The following GREB1 variants were observed in gnomAD, a reference collection of about 807,000 sequenced individuals.
GREB1 encodes protein GREB1.
Under a neutral mutation model 200.7 loss-of-function variants are expected in GREB1, and 106 were observed. The ratio of observed to expected loss-of-function variants is 0.53; its 90% confidence interval spans 0.45 to 0.62. The LOEUF (loss-of-function observed/expected upper bound fraction) is 0.62. Among genes scored for constraint, GREB1 ranks in the 20% least tolerant of loss-of-function variants. GREB1 has a pLI of 0.00. For synonymous variants in GREB1, 1,132 were observed against 1,092.4 expected (o/e 1.04, Z -0.72); for missense variants, 2,243 against 2,556.8 (o/e 0.88, Z 2.65).
rs1333506015 is a variant in GREB1, at chr2:11,624,029, T to G, written c.4148-1125T>G. 3.9e-5 allele frequency among the ~76,000 whole-genome samples: 6 copies of G among 152,346 alleles called. No individual in the cohort carries two copies. The East Asian group carries it at 1.2e-3, about 29-fold the overall frequency. On this transcript the variant is annotated intron_variant, in intron 23 of 32. Transcript: ENST00000381486. ...GTGTTTGTTTTAAGCTAAGTGTTATTACAAAAGAGTCAAAGAGTTTAAAAG... is the reference window on the plus strand; with the variant it reads ...GTGTTTGTTTTAAGCTAAGTGTTATGACAAAAGAGTCAAAGAGTTTAAAAG...
At chr2:11,593,793 C>G (rs1023222802) in intron 11 of GREB1, among the ~76,000 whole-genome samples, 1 of 151,786 alleles carries the variant, frequency 6.6e-6, no homozygotes, top group African/African-American at 2.4e-5. Context: ...TAAAAACACC[C>G]ATTGAGGCCC....
At chr2:11,587,400 C>T in intron 9 of GREB1, 1 of 1,613,666 alleles carries the variant, frequency 6.2e-7, no homozygotes, top group Non-Finnish European at 8.5e-7. Context: ...AATGGTGCTA[C>T]CCAAATGGTA....
In GREB1 at chr2:11,616,691, C is replaced by T. The variant is rs1683437124; in HGVS notation, c.3383C>T (p.Ala1128Val). The T allele has an allele frequency of 6.2e-7, 1 of 1,611,728 alleles. No homozygotes were observed. The highest frequency in any genetic ancestry group is 8.5e-7 in the Non-Finnish European group (1 of 1,177,798). Residue 1128 changes from alanine to valine, a missense_variant, in exon 21 of 33, where the codon GCA becomes GTA. Coordinates refer to ENST00000381486, the MANE Select transcript of GREB1 (RefSeq NM_014668.4). ...KRERSRSHDS[A>V]SSSLSSKASG... Reference sequence around the variant, plus strand: ...GAGAGGTCCCGCTCCCACGACTCAGCATCCTCATCCCTCTCCTCCAAGGCT... The same window carrying T: ...GAGAGGTCCCGCTCCCACGACTCAGTATCCTCATCCCTCTCCTCCAAGGCT...
At chr2:11,622,602 G>A (rs1226722174) in intron 23 of GREB1, among the ~76,000 whole-genome samples, 2 of 152,214 alleles carry the variant, frequency 1.3e-5, no homozygotes, top group Non-Finnish European at 2.9e-5. Flanking sequence ...AGTGTGGTTT[G>A]GGCTACGAAT....
At position 11,597,006 on chromosome 2, in the gene GREB1, G is replaced by T. The variant is rs142020721; in HGVS notation, c.1954+767G>T. On this transcript the variant is annotated intron_variant, in intron 13 of 32. Transcript: ENST00000381486. This position sits in a 1 kb window ranked among gnomAD's most constrained non-coding sequence, Gnocchi z 4.1. Reference sequence around the variant, plus strand: ...TCAGTGACATGGGGCAGTGGGCATAGCTGTGTGCAGTGAGAGGCGCCAATG... The same window carrying T: ...TCAGTGACATGGGGCAGTGGGCATATCTGTGTGCAGTGAGAGGCGCCAATG... Among the ~76,000 whole-genome samples the T allele has an allele frequency of 5.0e-4, 76 of 151,874 alleles. 1 individual carries two copies. In the East Asian group the frequency reaches 5.0e-3, roughly 10 times the overall value.
intron 15 of GREB1, among the ~76,000 whole-genome samples, chr2:11,600,029 G>T (rs539951038): frequency 2.0e-5 from 3 of 152,220 alleles, no homozygotes; most frequent in Admixed American, 6.5e-5. Flanking sequence ...GGGCCAGGTC[G>T]TGGAGAAAGC....
intron 1 of GREB1, among the ~76,000 whole-genome samples, chr2:11,516,730 G>A (rs774324360): frequency 1.3e-4 from 20 of 152,176 alleles, no homozygotes; most frequent in Non-Finnish European, 2.1e-4. Context: ...AGACCTTGGC[G>A]CCGTCCATCT....
At chr2:11,569,644 C>T (rs1009853876) in intron 4 of GREB1, among the ~76,000 whole-genome samples, 1 of 152,204 alleles carries the variant, frequency 6.6e-6, no homozygotes, top group Non-Finnish European at 1.5e-5. Flanking sequence ...GTTAAAATAG[C>T]CAATGCAGTG....
In GREB1 at chr2:11,556,671, C is replaced by T. The variant is rs757085454; in HGVS notation, c.57C>T (p.His19=). 3 of 1,613,780 alleles carry T rather than the reference C, an allele frequency of 1.9e-6. No individual in the cohort carries two copies. In the South Asian group the frequency reaches 3.3e-5, roughly 18 times the overall value. ...LKTTRFEEVL[H]NSIEASLRSN... is the part of the protein sequence containing the mutation. ...CGACACGCTTTGAAGAGGTCTTGCA[C>T]AATTCCATCGAGGCATCCCTGCGGT... Residue 19 remains histidine (H), a synonymous_variant, in exon 2 of 33, where the codon CAC becomes CAT. Transcript: ENST00000381486.
intron 1 of GREB1, among the ~76,000 whole-genome samples, chr2:11,518,005 G>A (rs1673569045): frequency 1.3e-5 from 2 of 152,194 alleles, no homozygotes; most frequent in Admixed American, 6.5e-5. Flanking sequence ...CAAGGAGTGA[G>A]TTTGTTTTTT....
At chr2:11,609,542 A>C (rs978514689) in intron 17 of GREB1, among the ~76,000 whole-genome samples, 3 of 152,152 alleles carry the variant, frequency 2.0e-5, no homozygotes, top group Non-Finnish European at 4.4e-5. Context: ...CAGGTGCACC[A>C]GGGGTAGGTA....
Position 11,562,546 on chromosome 2 carries a change from C to G in GREB1, c.241C>G (p.Leu81Val). The G allele has an allele frequency of 6.2e-7, 1 of 1,601,240 alleles. No individual in the cohort carries two copies. The highest frequency in any genetic ancestry group is 8.5e-7 in the Non-Finnish European group (1 of 1,174,624). ...ETNGPPNPFQLHPLPEGCCTT... is the reference protein window; with the variant it reads ...ETNGPPNPFQVHPLPEGCCTT... ...AAATGGCCCCCCAAACCCTTTCCAGCTGCACCCTCTGCCTGAAGGATGCTG... is the reference window on the plus strand; with the variant it reads ...AAATGGCCCCCCAAACCCTTTCCAGGTGCACCCTCTGCCTGAAGGATGCTG... Residue 81 changes from leucine (L) to valine (V), a missense_variant, in exon 3 of 33, where the codon CTG becomes GTG. Transcript: ENST00000381486.
chr2:11,583,143 C>T (rs1362198052), intron 7 of GREB1, among the ~76,000 whole-genome samples: 4 of 152,194 alleles, frequency 2.6e-5, no homozygotes, highest in East Asian at 1.9e-4. Context: ...GAAGAGCTCA[C>T]GGGCTTAGGG....
chr2:11,630,353 T>G (rs537620227), intron 26 of GREB1, among the ~76,000 whole-genome samples: 1 of 152,260 alleles, frequency 6.6e-6, no homozygotes, highest in Admixed American at 6.5e-5. Context: ...GGTTTCCTCA[T>G]TGTTACATTG....
rs761016985 is a variant in GREB1 at position 11,618,824 on chromosome 2, G to A, written c.3949G>A (p.Val1317Met). The change falls in exon 22 of 33, where the codon GTG becomes ATG. Residue 1317 changes from valine to methionine, a missense_variant. Val to Met is a conservative substitution (Grantham distance 21). Transcript: ENST00000381486. ...GTCCCTCTACTACCGGCAGTGGACG[G>A]TGCCCCGGCCCAGCCACATGGACTA... ...EQSLYYRQWT[V>M]PRPSHMDYGN... 9 of 1,605,472 alleles carry A rather than the reference G, an allele frequency of 5.6e-6. No homozygotes were observed. The highest frequency in any genetic ancestry group is 1.3e-5 in the African/African-American group (1 of 74,912).
chr2:11,487,095 A>G (rs796807001), intron 1 of GREB1, among the ~76,000 whole-genome samples: 18 of 152,328 alleles, frequency 1.2e-4, no homozygotes, highest in African/African-American at 4.3e-4. Flanking sequence ...ATTATTTTAA[A>G]TAACAATTTC....
intron 1 of GREB1, among the ~76,000 whole-genome samples, chr2:11,512,495 T>A (rs1241301455): frequency 6.6e-6 from 1 of 152,240 alleles, no homozygotes. Context: ...CTGGCAACAT[T>A]GAAGCAAGGG....
intron 5 of GREB1, among the ~76,000 whole-genome samples, chr2:11,577,009 T>G (rs1238570412): frequency 1.3e-5 from 2 of 151,692 alleles, no homozygotes; most frequent in Non-Finnish European, 2.9e-5. Context: ...CACTCCAGCC[T>G]GGGCAGCAGA....
At chr2:11,551,652 C>T (rs557527296) in intron 1 of GREB1, among the ~76,000 whole-genome samples, 2 of 152,372 alleles carry the variant, frequency 1.3e-5, no homozygotes, top group African/African-American at 4.8e-5. Context: ...TTTGCACTCT[C>T]CTGTCCCTTC....
Sources: gnomAD v4.1 joint callset for allele counts (sites outside exome capture counted in the v4.1 genomes callset) on GRCh38, gnomAD v4.1.1 for gene constraint, Gnocchi (gnomAD v3.1) non-coding constraint, MANE v1.5 for transcripts, NCBI Gene and HGNC (gene_info 2026-07-23, HGNC 2026-07-21) for gene names.